The following CHODL variants were observed in gnomAD, a reference collection of about 807,000 sequenced individuals.
CHODL encodes the protein transmembrane protein MT75.
CHODL carries 29 observed loss-of-function variants against 34.5 expected under a neutral mutation model. The observed-to-expected ratio is 0.84, with a 90% CI of 0.63 to 1.15. The LOEUF (loss-of-function observed/expected upper bound fraction) is 1.15, where lower values mean the gene tolerates loss of function less well. Ranked by LOEUF, CHODL falls within the 50% of genes most tolerant of loss-of-function variation. CHODL has a pLI of 0.00. For missense variants in CHODL, 332 were observed against 332.5 expected (o/e 1.00, Z 0.01); for synonymous variants, 125 against 116.1 (o/e 1.08, Z -0.49).
rs1346643541 is a variant in CHODL, at chr21:18,053,949, CAT to C, written c.-45+25982_-45+25983del. Among the ~76,000 whole-genome samples, 5 of 150,646 alleles carry C rather than the reference CAT, an allele frequency of 3.3e-5. No individual in the cohort carries two copies. The East Asian group carries it at 7.8e-4, about 23-fold the overall frequency. Reference sequence around the variant, plus strand: ...AAATGTGTATAATTTATATATATCACATATAAAATCACATATATCACACCTTA... The same window carrying C: ...AAATGTGTATAATTTATATATATCACATAAAATCACATATATCACACCTTA... On this transcript the variant is annotated intron_variant, in intron 2 of 6. Transcript: ENST00000400127.
chr21:18,096,871 A>C (rs950228873), intron 2 of CHODL, among the ~76,000 whole-genome samples: 2 of 152,100 alleles, frequency 1.3e-5, no homozygotes, highest in Non-Finnish European at 2.9e-5. Context: ...CTGGTTTTGC[A>C]GCTCCAGGTG....
At chr21:18,224,887 G>C (rs1424715834) in intron 2 of CHODL, among the ~76,000 whole-genome samples, 1 of 151,766 alleles carries the variant, frequency 6.6e-6, no homozygotes, top group Non-Finnish European at 1.5e-5. Flanking sequence ...ACCACTGCTT[G>C]TTCTTTTCAT....
At position 17,996,997 on chromosome 21, in the gene CHODL, C is replaced by T. The variant is rs142762076; in HGVS notation, c.-144-30875C>T. On this transcript the variant is annotated intron_variant, in intron 1 of 6. Coordinates refer to the CHODL transcript ENST00000400127. Reference sequence around the variant, plus strand: ...TTTATTTAACTAGTAGAGAAACATACATTTTATTCTGATTTTAAAAAAAAC... The same window carrying T: ...TTTATTTAACTAGTAGAGAAACATATATTTTATTCTGATTTTAAAAAAAAC... 5.5e-3 allele frequency among the ~76,000 whole-genome samples: 844 copies of T among 152,202 alleles called. 8 individuals carry two copies. The highest frequency in any genetic ancestry group is 0.013 in the African/African-American group (556 of 41,524).
intron 2 of CHODL, among the ~76,000 whole-genome samples, chr21:18,165,444 A>G (rs2073140811): frequency 6.6e-6 from 1 of 152,212 alleles, no homozygotes; most frequent in Non-Finnish European, 1.5e-5. Flanking sequence ...CTGCATATAG[A>G]AACTCAGACA....
chr21:17,974,353 A>G (rs1600848034), intron 1 of CHODL, among the ~76,000 whole-genome samples: 1 of 152,062 alleles, frequency 6.6e-6, no homozygotes, highest in East Asian at 1.9e-4. Context: ...GCTCACTGCA[A>G]CCTCCGCCTC....
rs570546876 is a variant in CHODL at position 18,032,913 on chromosome 21, TGTTA to T, written c.-45+4946_-45+4949del. On this transcript the variant is annotated intron_variant, in intron 2 of 6. Transcript: ENST00000400127. ...AAATAGCTATTGAGTGCTTATTTTG[TGTTA>T]GTTTCCTTTTTAGTATTTAAAACGT... Among the ~76,000 whole-genome samples the T allele has an allele frequency of 1.3e-3, 201 of 152,174 alleles. 4 individuals are homozygous for T. Among genetic ancestry groups the T allele is most frequent in the Admixed American group, 0.013 (197 of 15,266 alleles).
intron 1 of CHODL, among the ~76,000 whole-genome samples, chr21:17,987,659 T>C (rs1050124012): frequency 1.3e-5 from 2 of 152,156 alleles, no homozygotes; most frequent in Non-Finnish European, 2.9e-5. Flanking sequence ...CCTGTTTTCT[T>C]TGAACACTGA....
At chr21:18,245,572 A>T (rs1484824211) in intron 1 of CHODL, among the ~76,000 whole-genome samples, 2 of 152,192 alleles carry the variant, frequency 1.3e-5, no homozygotes, top group African/African-American at 4.8e-5. Context: ...AGCCTTTTTC[A>T]GGAGTGATTT....
rs1793820623 is a variant in CHODL, at chr21:18,094,710, T to A, written c.-45+66739T>A. 2.3e-5 allele frequency among the ~76,000 whole-genome samples: 3 copies of A among 129,478 alleles called. No homozygotes were observed. In the South Asian group the frequency reaches 7.0e-4, roughly 30 times the overall value. 84.9% of individuals were successfully genotyped at this position (129,478 alleles called of 152,430 possible). On this transcript the variant is annotated intron_variant, in intron 2 of 6. Transcript: ENST00000400127. Reference sequence around the variant, plus strand: ...CTATGGGATACAGCAAAAGCAGTACTAAGAGAAATTTATAGCTATAAATGT... The same window carrying A: ...CTATGGGATACAGCAAAAGCAGTACAAAGAGAAATTTATAGCTATAAATGT...
intron 1 of CHODL, among the ~76,000 whole-genome samples, chr21:17,971,066 T>G (rs2063610321): frequency 6.6e-6 from 1 of 152,232 alleles, no homozygotes; most frequent in African/African-American, 2.4e-5. Context: ...CATGAATGCA[T>G]CATTTTTTAT....
intron 2 of CHODL, among the ~76,000 whole-genome samples, chr21:18,167,149 A>G (rs2073164023): frequency 6.6e-6 from 1 of 151,332 alleles, no homozygotes; most frequent in Non-Finnish European, 1.5e-5. Context: ...CAAATATCCA[A>G]TTTTAGAATT....
At position 18,232,941 on chromosome 21, in the gene CHODL, TGA is replaced by T. The variant is rs1491396653; in HGVS notation, c.-44-23567_-44-23566del. Among the ~76,000 whole-genome samples, 121 of 97,552 alleles carry T rather than the reference TGA, an allele frequency of 1.2e-3. 1 individual carries two copies. In the Middle Eastern group the frequency reaches 0.014, roughly 11 times the overall value. The allele number at this position is 97,552 out of a possible 152,430, so 64.0% of individuals were successfully genotyped here. A position where few individuals can be genotyped will look rare whatever the true frequency, so the allele number is the denominator to read the frequency against. The stretch of plus-strand genomic sequence containing the variant: ...TAATTATGGGGTCCACATGATGTTA[TGA>T]TATATATATATATATATATATATAT... On this transcript the variant is annotated intron_variant, in intron 2 of 6. Coordinates refer to the CHODL transcript ENST00000400127.
rs547753305 is a variant in CHODL at position 17,934,219 on chromosome 21, CT to C, written c.-145+16820del. ...TGTAGCAAACCTGCACATGTACCCC[CT>C]GAATCTATAAAAATAAAAAAAAAAA... On this transcript the variant is annotated intron_variant, in intron 1 of 6. Coordinates refer to the CHODL transcript ENST00000400127. 2.1e-4 allele frequency among the ~76,000 whole-genome samples: 29 copies of C among 139,722 alleles called. No individual in the cohort carries two copies. In the South Asian group the frequency reaches 2.5e-3, roughly 12 times the overall value. The allele number at this position is 139,722 out of a possible 152,430, so 91.7% of individuals were successfully genotyped here.
At chr21:18,144,145 G>A (rs1404539166) in intron 2 of CHODL, among the ~76,000 whole-genome samples, 3 of 152,104 alleles carry the variant, frequency 2.0e-5, no homozygotes, top group African/African-American at 7.2e-5. Flanking sequence ...TGATATACAT[G>A]TTTATACATA....
At chr21:18,142,325 A>G (rs1289232291) in intron 2 of CHODL, among the ~76,000 whole-genome samples, 1 of 152,130 alleles carries the variant, frequency 6.6e-6, no homozygotes, top group Non-Finnish European at 1.5e-5. Context: ...AATAACCCCC[A>G]TTTAAATCCT....
chr21:17,962,789 C>T (rs893817201), intron 1 of CHODL, among the ~76,000 whole-genome samples: 36 of 152,048 alleles, frequency 2.4e-4, no homozygotes, highest in African/African-American at 6.3e-4. Context: ...CCAGGCCAGG[C>T]GCGGTGGCTC....
intron 1 of CHODL, among the ~76,000 whole-genome samples, chr21:17,946,193 G>A (rs923257502): frequency 4.6e-5 from 7 of 152,176 alleles, no homozygotes; most frequent in African/African-American, 1.4e-4. Flanking sequence ...CAAGGCGGGC[G>A]GATCACGAGG....
Position 18,215,400 on chromosome 21 carries a change from G to A in CHODL, c.-44-41109G>A, listed in dbSNP as rs375285994. On this transcript the variant is annotated intron_variant, in intron 2 of 6. Transcript: ENST00000400127. ...AATTTATTTTATGTGGAAGGAATACGTCTAATAATAAGATCAAACATAGCA... is the reference window on the plus strand; with the variant it reads ...AATTTATTTTATGTGGAAGGAATACATCTAATAATAAGATCAAACATAGCA... Among the ~76,000 whole-genome samples the A allele has an allele frequency of 5.9e-5, 9 of 152,068 alleles. No individual in the cohort carries two copies. In the South Asian group the frequency reaches 1.7e-3, roughly 28 times the overall value.
chr21:18,184,466 G>A (rs941011854), intron 2 of CHODL, among the ~76,000 whole-genome samples: 5 of 152,158 alleles, frequency 3.3e-5, no homozygotes, highest in African/African-American at 1.2e-4. Context: ...ATAGGAATAA[G>A]CACATTTGGT....
Sources: allele counts gnomAD v4.1 joint callset (sites outside exome capture counted in the v4.1 genomes callset), GRCh38; gene constraint gnomAD v4.1.1; transcripts MANE v1.5; gene names NCBI Gene and HGNC (gene_info 2026-07-23, HGNC 2026-07-21).